Variants in PAX5 observed in about 807,000 individuals in gnomAD.
PAX5 encodes paired box protein Pax-5.
In PAX5, 9 loss-of-function variants were observed where a neutral mutation model predicts 43.7. The ratio of observed to expected loss-of-function variants is 0.21; its 90% CI spans 0.12 to 0.36. The LOEUF is 0.36. Ranked by LOEUF, PAX5 falls within the 10% of genes least tolerant of loss-of-function variation. The pLI is 1.00. For missense variants in PAX5, 383 were observed against 532.7 expected (o/e 0.72, Z 2.77); for synonymous variants, 228 against 214.3 (o/e 1.06, Z -0.56).
intron 1 of PAX5, among the ~76,000 whole-genome samples, chr9:37,030,584 C>G (rs192138707): frequency 2.6e-4 from 40 of 152,336 alleles, no homozygotes; most frequent in Non-Finnish European, 4.7e-4. Flanking sequence ...CTGTGCTAGG[C>G]GCTGGGGGCA....
At chr9:36,979,074 C>A (rs1171518328) in intron 5 of PAX5, among the ~76,000 whole-genome samples, 2 of 152,206 alleles carry the variant, frequency 1.3e-5, no homozygotes, top group African/African-American at 4.8e-5. Flanking sequence ...TTCAATTGAT[C>A]AATCATGTTT....
At chr9:36,863,919 G>T (rs186205371) in intron 8 of PAX5, among the ~76,000 whole-genome samples, 3 of 152,188 alleles carry the variant, frequency 2.0e-5, no homozygotes, top group Non-Finnish European at 4.4e-5. Context: ...GACCAGCCTG[G>T]CCAACATGGT....
chr9:37,008,604 A>C (rs1249737252), intron 3 of PAX5, among the ~76,000 whole-genome samples: 1 of 152,198 alleles, frequency 6.6e-6, no homozygotes, highest in Non-Finnish European at 1.5e-5. Flanking sequence ...CTCAGCTGAT[A>C]GCCTGAAATG....
intron 7 of PAX5, among the ~76,000 whole-genome samples, chr9:36,890,299 GGCCC>G (rs1228260388): frequency 6.6e-6 from 1 of 152,178 alleles, no homozygotes; most frequent in Non-Finnish European, 1.5e-5. Flanking sequence ...ATGGCTTGAT[GGCCC>G]GAGAGGGTCT....
chr9:36,936,830 G>GCACA (rs60878828), intron 6 of PAX5, among the ~76,000 whole-genome samples: 3 of 133,630 alleles, frequency 2.2e-5, no homozygotes, highest in African/African-American at 6.0e-5. Flanking sequence ...ACACACACAT[G>GCACA]CACACACACA....
intron 8 of PAX5, among the ~76,000 whole-genome samples, chr9:36,855,513 G>T (rs935452082): frequency 6.6e-5 from 10 of 150,934 alleles, no homozygotes; most frequent in African/African-American, 2.4e-4. Context: ...TGACCCCCCT[G>T]AAGCCTCACT....
chr9:36,857,269 A>T (rs2131631356), intron 8 of PAX5, among the ~76,000 whole-genome samples: 1 of 152,262 alleles, frequency 6.6e-6, no homozygotes, highest in Non-Finnish European at 1.5e-5. Context: ...TTTGGGGAAA[A>T]CTTATCTTAA....
At chr9:36,999,501 G>A (rs1837673453) in intron 5 of PAX5, among the ~76,000 whole-genome samples, 2 of 152,186 alleles carry the variant, frequency 1.3e-5, no homozygotes, top group Admixed American at 1.3e-4. Flanking sequence ...CAGGAGGGTG[G>A]CCCCAGGAAA....
At chr9:36,943,555 C>CACAG (rs1563994135) in intron 6 of PAX5, among the ~76,000 whole-genome samples, 8 of 151,954 alleles carry the variant, frequency 5.3e-5, no homozygotes, top group African/African-American at 1.7e-4. Context: ...CACACACACA[C>CACAG]ACACACACAC....
chr9:36,963,396 C>T (rs1834135589), intron 6 of PAX5, among the ~76,000 whole-genome samples: 2 of 152,180 alleles, frequency 1.3e-5, no homozygotes, highest in Non-Finnish European at 2.9e-5. Context: ...CAACACTGCC[C>T]CCTCAGTGCC....
intron 6 of PAX5, among the ~76,000 whole-genome samples, chr9:36,964,236 G>T (rs573026879): frequency 2.0e-5 from 3 of 149,012 alleles, no homozygotes; most frequent in Admixed American, 2.0e-4. Context: ...AGCCGAGATC[G>T]CGCCACTGCA....
Position 36,898,843 on chromosome 9 carries a change from C to A in PAX5, c.911-16738G>T, listed in dbSNP as rs920215339. ...GACATCCTGGCACCCACTGGCCCAG[C>A]CTCTCCCACTAACACCCCTGGGGCA... is the stretch of plus-strand genomic sequence containing the variant. On this transcript the variant is annotated intron_variant, in intron 7 of 9. Transcript: ENST00000358127. Among the ~76,000 whole-genome samples, 20 of 152,078 alleles carry A rather than the reference C, an allele frequency of 1.3e-4. 1 individual carries two copies. The highest frequency in any genetic ancestry group is 3.3e-4 in the Admixed American group (5 of 15,284).
intron 5 of PAX5, among the ~76,000 whole-genome samples, chr9:36,978,818 T>C (rs573739592): frequency 6.6e-6 from 1 of 152,338 alleles, no homozygotes; most frequent in East Asian, 1.9e-4. Context: ...TCGATGGGGC[T>C]GATGGAGTCC....
chr9:36,950,735 CTT>C (rs55801947), intron 6 of PAX5, among the ~76,000 whole-genome samples: 37,849 of 117,684 alleles, frequency 0.32, 5,372 homozygotes, highest in East Asian at 0.59. Flanking sequence ...ACTGAGTTTT[CTT>C]TTTTTTTTTT....
At chr9:36,925,299 G>T in intron 6 of PAX5, among the ~76,000 whole-genome samples, 1 of 152,160 alleles carries the variant, frequency 6.6e-6, no homozygotes, top group East Asian at 1.9e-4. Flanking sequence ...TTCATCAAAG[G>T]CTGGTTCTGA....
intron 5 of PAX5, among the ~76,000 whole-genome samples, chr9:36,977,510 T>G (rs1208886884): frequency 4.1e-5 from 6 of 147,656 alleles, no homozygotes; most frequent in Non-Finnish European, 7.5e-5. Flanking sequence ...TTTTTGTTTG[T>G]TTTTTTTGGG....
chr9:37,021,473 T>C (rs1179613299), intron 1 of PAX5, among the ~76,000 whole-genome samples: 3 of 152,214 alleles, frequency 2.0e-5, no homozygotes, highest in Non-Finnish European at 2.9e-5. Flanking sequence ...TAGCATCTTC[T>C]ACACACAGCA....
rs1821642285 is a variant in PAX5 at position 36,836,376 on chromosome 9, G to A, written c.*4184C>T. 4.3e-6 allele frequency: 1 copy of A among 233,242 alleles called. No homozygotes were observed. Among genetic ancestry groups the A allele is most frequent in the Non-Finnish European group, 8.5e-6 (1 of 118,134 alleles). 14.4% of individuals were successfully genotyped at this position (233,242 alleles called of 1,614,324 possible). A position where few individuals can be genotyped will look rare whatever the true frequency, so the allele number is the denominator to read the frequency against. ...CTGAAGCACATCTCTCACCTCTCTG[G>A]GCTCCCATCTCCTCCAAATCTGCAA... On this transcript the variant is annotated 3_prime_UTR_variant, in exon 10 of 10. Transcript: ENST00000358127.
At chr9:36,852,113 G>A (rs913332356) in intron 8 of PAX5, among the ~76,000 whole-genome samples, 3 of 152,194 alleles carry the variant, frequency 2.0e-5, no homozygotes, top group Non-Finnish European at 4.4e-5. Flanking sequence ...ATGACTTCAC[G>A]TTTGCAGATG....
Sources: gnomAD v4.1 joint callset for allele counts (sites outside exome capture counted in the v4.1 genomes callset) on GRCh38, gnomAD v4.1.1 for gene constraint, MANE v1.5 for transcripts, NCBI Gene and HGNC (gene_info 2026-07-23, HGNC 2026-07-21) for gene names.